The following ESRRG variants were observed in gnomAD, a reference collection of about 807,000 sequenced individuals.
The protein encoded by ESRRG is estrogen related receptor gamma.
ESRRG carries 13 observed loss-of-function variants against 44.0 expected under a neutral mutation model. The ratio of observed to expected loss-of-function variants is 0.30; its 90% confidence interval spans 0.19 to 0.47. The LOEUF (loss-of-function observed/expected upper bound fraction) is 0.47. Among genes scored for constraint, ESRRG ranks in the 20% least tolerant of loss-of-function variants. The probability of loss-of-function intolerance (pLI) is 1.00; values close to 1 mark genes in which losing one functional copy is unlikely to be tolerated. For missense variants in ESRRG, 395 were observed against 580.6 expected, an observed-to-expected ratio of 0.68 and a Z score of 3.29; for synonymous variants, 215 against 214.6, an observed-to-expected ratio of 1.00 and a Z score of -0.02.
At chr1:216,964,133 G>A (rs1334607703) in intron 1 of ESRRG, among the ~76,000 whole-genome samples, 1 of 152,164 alleles carries the variant, frequency 6.6e-6, no homozygotes, top group African/African-American at 2.4e-5. Context: ...GGAGTGAGAT[G>A]AGGTGCAAGA....
intron 1 of ESRRG, among the ~76,000 whole-genome samples, chr1:216,685,182 G>A (rs887401247): frequency 1.3e-5 from 2 of 152,054 alleles, no homozygotes; most frequent in Non-Finnish European, 2.9e-5. Context: ...GCCCAGGGTA[G>A]AGTCTAACAG....
At chr1:216,791,133 C>A (rs565937270) in intron 2 of ESRRG, among the ~76,000 whole-genome samples, 20 of 152,226 alleles carry the variant, frequency 1.3e-4, no homozygotes, top group African/African-American at 4.8e-4. Flanking sequence ...TTTCCCCAAC[C>A]AAATCTCATG....
chr1:216,544,917 G>T (rs1266041393), intron 5 of ESRRG, among the ~76,000 whole-genome samples: 5 of 151,822 alleles, frequency 3.3e-5, no homozygotes, highest in African/African-American at 4.8e-5. Flanking sequence ...TCTCTTAAAT[G>T]ATTAGGAAAA....
chr1:216,694,587 C>T (rs1003511583), intron 1 of ESRRG, among the ~76,000 whole-genome samples: 8 of 151,720 alleles, frequency 5.3e-5, no homozygotes, highest in Non-Finnish European at 1.2e-4. Context: ...GACACAGTCT[C>T]GATCTGTCAC....
intron 2 of ESRRG, among the ~76,000 whole-genome samples, chr1:216,802,970 T>G (rs1305264540): frequency 6.6e-6 from 1 of 152,134 alleles, no homozygotes; most frequent in Non-Finnish European, 1.5e-5. Context: ...TCAATCGTCT[T>G]TTGGTATTTT....
At chr1:216,624,461 G>A (rs1429149177) in intron 3 of ESRRG, among the ~76,000 whole-genome samples, 3 of 152,158 alleles carry the variant, frequency 2.0e-5, no homozygotes, top group Admixed American at 2.0e-4. Flanking sequence ...CTAAAAAAGT[G>A]TCATGAGATA....
intron 3 of ESRRG, among the ~76,000 whole-genome samples, chr1:216,596,860 A>G (rs1459299768): frequency 9.9e-5 from 15 of 152,160 alleles, no homozygotes; most frequent in Non-Finnish European, 1.5e-5. Flanking sequence ...TACTAAGGCT[A>G]TACAATTCCT....
At chr1:216,707,790 A>G (rs916485785) in intron 1 of ESRRG, among the ~76,000 whole-genome samples, 5 of 152,240 alleles carry the variant, frequency 3.3e-5, no homozygotes, top group Non-Finnish European at 7.3e-5. Context: ...ACTGCAAAAG[A>G]ACACATGTAA....
At chr1:216,780,466 T>TC (rs1559613304) in intron 2 of ESRRG, among the ~76,000 whole-genome samples, 8 of 152,060 alleles carry the variant, frequency 5.3e-5, no homozygotes, top group Non-Finnish European at 2.9e-5. Context: ...CATATTTAGA[T>TC]ATGGAATAAG....
chr1:216,919,237 C>G (rs2061541436), intron 2 of ESRRG, among the ~76,000 whole-genome samples: 1 of 152,136 alleles, frequency 6.6e-6, no homozygotes, highest in Non-Finnish European at 1.5e-5. Context: ...GCTCTTTCTC[C>G]TAGAGCCAAG....
At chr1:216,622,562 T>C (rs1049425785) in intron 3 of ESRRG, among the ~76,000 whole-genome samples, 1 of 152,074 alleles carries the variant, frequency 6.6e-6, no homozygotes, top group Admixed American at 6.6e-5. Context: ...GAGAAAGGTA[T>C]GTTTCTTCTT....
chr1:216,792,105 A>G (rs764519306), intron 2 of ESRRG, among the ~76,000 whole-genome samples: 7 of 152,174 alleles, frequency 4.6e-5, no homozygotes, highest in Non-Finnish European at 8.8e-5. Flanking sequence ...TAAAATATCA[A>G]ATTTAAAGTG....
intron 1 of ESRRG, among the ~76,000 whole-genome samples, chr1:216,703,734 A>G (rs2081924611): frequency 1.3e-5 from 2 of 150,504 alleles, no homozygotes; most frequent in South Asian, 4.2e-4. Context: ...CAGGAGTGGG[A>G]TTTTTGTTGA....
At chr1:216,817,477 A>C (rs1335685883) in intron 2 of ESRRG, among the ~76,000 whole-genome samples, 1 of 152,198 alleles carries the variant, frequency 6.6e-6, no homozygotes, top group African/African-American at 2.4e-5. Flanking sequence ...CTCAAACCTT[A>C]CATAAATAGG....
Position 217,025,412 on chromosome 1 carries a change from A to G in ESRRG, c.-106+64095T>C, listed in dbSNP as rs191086299. Among the ~76,000 whole-genome samples the G allele has an allele frequency of 2.6e-5, 4 of 152,316 alleles. No homozygotes were observed. The East Asian group carries it at 7.7e-4, about 29-fold the overall frequency. ...TGATTTGGCTATTTTCTGTACCTCT[A>G]CACTAAAGAAATAAAGTCTGTCCAG... On this transcript the variant is annotated intron_variant, in intron 1 of 7. Transcript: ENST00000359162.
intron 2 of ESRRG, chr1:216,862,524 A>T (rs1042964034): frequency 1.3e-5 from 2 of 152,166 alleles, no homozygotes; most frequent in Admixed American, 6.6e-5. Context: ...TAATAAACAC[A>T]TCGTAGCTTA....
At chr1:216,965,969 T>C (rs928398185) in intron 1 of ESRRG, among the ~76,000 whole-genome samples, 1 of 152,178 alleles carries the variant, frequency 6.6e-6, no homozygotes, top group African/African-American at 2.4e-5. Context: ...ATTCAGTAAA[T>C]CTGAGGTAGG....
intron 5 of ESRRG, among the ~76,000 whole-genome samples, chr1:216,551,437 C>T (rs2056307115): frequency 6.6e-6 from 1 of 152,138 alleles, no homozygotes; most frequent in African/African-American, 2.4e-5. Flanking sequence ...GTGATAACCT[C>T]ACTACCCATT....
Position 216,519,316 on chromosome 1 carries a change from T to C in ESRRG, c.968A>G (p.Glu323Gly), listed in dbSNP as rs1276131699. 6.2e-7 allele frequency: 1 copy of C among 1,613,752 alleles called. No homozygotes were observed. Among genetic ancestry groups the C allele is most frequent in the African/African-American group, 1.3e-5 (1 of 74,898 alleles). Reference sequence around the variant, plus strand: ...TATATAATCGTCTGCATAGACAAGTTCATCCTCAAACGAAAGAGACCGGTA... The same window carrying C: ...TATATAATCGTCTGCATAGACAAGTCCATCCTCAAACGAAAGAGACCGGTA... ...VVYRSLSFED[E>G]LVYADDYIMD... is the part of the protein sequence containing the mutation. The change falls in exon 6 of 7, where the codon GAA (glutamate) becomes GGA (glycine). Residue 323 changes from glutamate to glycine, a missense_variant. Physicochemically the swap from Glu to Gly is moderately conservative, Grantham distance 98 (BLOSUM62 -2). Around this residue, in one of 5 missense-constraint regions of ESRRG, gnomAD observed 167 missense variants for 251.8 expected, o/e 0.66. Coordinates refer to ENST00000408911, the MANE Select transcript of ESRRG (RefSeq NM_001438.4).
Sources: allele counts gnomAD v4.1 joint callset (sites outside exome capture counted in the v4.1 genomes callset), GRCh38; gene constraint gnomAD v4.1.1; regional missense constraint gnomAD v4.1.1; transcripts MANE v1.5; gene names NCBI Gene and HGNC (gene_info 2026-07-23, HGNC 2026-07-21).